Variants in CDK13 observed in about 807,000 individuals in gnomAD.
The protein encoded by CDK13 is cyclin dependent kinase 13, also known as cyclin-dependent kinase 13.
A neutral mutation model predicts 137.6 loss-of-function variants in CDK13; 40 were observed. The ratio of observed to expected loss-of-function variants is 0.29; its 90% confidence interval spans 0.23 to 0.38. The LOEUF (loss-of-function observed/expected upper bound fraction) is 0.38. CDK13 is among the 10% of genes least tolerant of loss of function. The pLI is 1.00. For missense variants in CDK13, 1,704 were observed against 1,951.8 expected (o/e 0.87, Z 2.39); for synonymous variants, 869 against 760.1 (o/e 1.14, Z -2.36).
intron 1 of CDK13, among the ~76,000 whole-genome samples, chr7:39,981,433 TTC>T (rs1182045472): frequency 3.9e-5 from 6 of 152,154 alleles, no homozygotes; most frequent in African/African-American, 1.4e-4. Context: ...TCCATTTCAG[TTC>T]TTTTAGTAAA....
chr7:40,000,497 T>G (rs1031147366), intron 4 of CDK13, among the ~76,000 whole-genome samples: 1 of 152,026 alleles, frequency 6.6e-6, no homozygotes, highest in Non-Finnish European at 1.5e-5. Context: ...GAGCCGAGAT[T>G]GGACCACTGC....
intron 1 of CDK13, among the ~76,000 whole-genome samples, chr7:39,973,606 TGATG>T (rs1305962205): frequency 8.5e-5 from 13 of 152,246 alleles, no homozygotes; most frequent in African/African-American, 3.1e-4. Context: ...TATTTTATTT[TGATG>T]GAGTCCAATT....
intron 4 of CDK13, 102 bp downstream of exon 4, chr7:39,999,602 TC>T: frequency 8.8e-7 from 1 of 1,133,228 alleles, no homozygotes; most frequent in Non-Finnish European, 1.3e-6. Flanking sequence ...AAAATTAAAT[TC>T]AATTTTATTG....
chr7:39,985,650 T>A (rs1317092232), intron 1 of CDK13: 1 of 152,194 alleles, frequency 6.6e-6, no homozygotes, highest in Non-Finnish European at 1.5e-5. Context: ...TGGCAGTGTG[T>A]TAATGTGTTA....
chr7:39,971,272 G>A (rs199619365), intron 1 of CDK13, among the ~76,000 whole-genome samples: 11 of 151,024 alleles, frequency 7.3e-5, no homozygotes, highest in Admixed American at 7.2e-4. Context: ...AATCCCAGCA[G>A]TTTGGGAGGC....
At chr7:40,081,535 T>C (rs2150538226) in intron 11 of CDK13, among the ~76,000 whole-genome samples, 1 of 152,320 alleles carries the variant, frequency 6.6e-6, no homozygotes, top group South Asian at 2.1e-4. Context: ...AAAGTATTTA[T>C]GCTAGAAAGT....
At chr7:40,041,705 A>G (rs1280860733) in intron 5 of CDK13, among the ~76,000 whole-genome samples, 2 of 152,234 alleles carry the variant, frequency 1.3e-5, no homozygotes, top group Non-Finnish European at 2.9e-5. Flanking sequence ...CGGTATGTGT[A>G]TATTTGATAA....
At chr7:40,031,302 A>G (rs1785372391) in intron 5 of CDK13, among the ~76,000 whole-genome samples, 1 of 152,136 alleles carries the variant, frequency 6.6e-6, no homozygotes, top group South Asian at 2.1e-4. Flanking sequence ...TGGGCGGATC[A>G]CTTGAGGTCA....
intron 5 of CDK13, among the ~76,000 whole-genome samples, chr7:40,013,420 C>G (rs1278627521): frequency 6.6e-6 from 1 of 151,998 alleles, no homozygotes; most frequent in East Asian, 1.9e-4. Context: ...TATTTCGCCA[C>G]AATTTAAAAA....
At chr7:40,006,830 G>A (rs1018248199) in intron 5 of CDK13, among the ~76,000 whole-genome samples, 1 of 152,086 alleles carries the variant, frequency 6.6e-6, no homozygotes, top group Non-Finnish European at 1.5e-5. Flanking sequence ...GTAAAAACTC[G>A]AGTCATTGAT....
intron 7 of CDK13, among the ~76,000 whole-genome samples, chr7:40,051,907 A>G (rs1785897191): frequency 6.6e-6 from 1 of 152,190 alleles, no homozygotes; most frequent in African/African-American, 2.4e-5. Context: ...CTGCATTGGG[A>G]ATTTTAAAAC....
At chr7:40,064,989 T>A (rs1037975387) in intron 9 of CDK13, among the ~76,000 whole-genome samples, 4 of 64,250 alleles carry the variant, frequency 6.2e-5, no homozygotes, top group African/African-American at 2.8e-4. Flanking sequence ...TTTTTTTTTT[T>A]TTGGAGACCG....
chr7:40,021,459 G>A (rs1008053603), intron 5 of CDK13, among the ~76,000 whole-genome samples: 1 of 150,832 alleles, frequency 6.6e-6, no homozygotes, highest in Non-Finnish European at 1.5e-5. Context: ...TCCTGCCACC[G>A]CACTCCAGCC....
chr7:39,984,411 A>G (rs1784294745), intron 1 of CDK13: 1 of 151,400 alleles, frequency 6.6e-6, no homozygotes, highest in Admixed American at 6.6e-5. Flanking sequence ...CCTGTTTCAA[A>G]AAAAAAAAAA....
At chr7:40,069,204 T>C (rs1482799567) in intron 9 of CDK13, 2 of 399,334 alleles carry the variant, frequency 5.0e-6, no homozygotes, top group Admixed American at 2.9e-5. Context: ...CACTGCCCTT[T>C]AGTCTGGGCA....
intron 5 of CDK13, among the ~76,000 whole-genome samples, chr7:40,017,803 T>C (rs557933686): frequency 6.6e-6 from 1 of 152,020 alleles, no homozygotes; most frequent in Admixed American, 6.5e-5. Flanking sequence ...GGCAGAATAA[T>C]AGGAATTTTT....
chr7:39,950,527 GCTCTGGTGCTCGGTGTCC>G lies in CDK13; in HGVS notation c.-111_-94del. On this transcript the variant is annotated 5_prime_UTR_variant, in exon 1 of 14. Coordinates refer to ENST00000181839, the MANE Select transcript of CDK13 (RefSeq NM_003718.5). The stretch of plus-strand genomic sequence containing the variant: ...ATTATCGTGGCGCTTTTCCCGGCCG[GCTCTGGTGCTCGGTGTCC>G]CTCCGCCGCCGCTCCCGTTTCCGGC... 7.1e-6 allele frequency: 9 copies of G among 1,268,104 alleles called. No individual in the cohort carries two copies. Among genetic ancestry groups the G allele is most frequent in the Non-Finnish European group, 8.9e-6 (9 of 1,007,554 alleles). The allele number at this position is 1,268,104 out of a possible 1,614,324, so 78.6% of individuals were successfully genotyped here.
intron 7 of CDK13, chr7:40,061,705 G>C (rs952877466): frequency 2.6e-5 from 4 of 152,210 alleles, no homozygotes; most frequent in East Asian, 3.8e-4. Context: ...CCTGAAGTAA[G>C]TAACTACAGA....
chr7:40,018,397 T>G (rs1450856086), intron 5 of CDK13, among the ~76,000 whole-genome samples: 1 of 141,050 alleles, frequency 7.1e-6, no homozygotes, highest in Non-Finnish European at 1.5e-5. Flanking sequence ...TTTGGAAACA[T>G]AAGGGAAGTA....
Sources: allele counts gnomAD v4.1 joint callset (sites outside exome capture counted in the v4.1 genomes callset), GRCh38; gene constraint gnomAD v4.1.1; transcripts MANE v1.5; gene names NCBI Gene and HGNC (gene_info 2026-07-23, HGNC 2026-07-21).